CFAP47: variants seen among roughly 807,000 people sequenced by gnomAD.
CFAP47 encodes the protein cilia- and flagella-associated protein 47.
CFAP47 carries 29 observed loss-of-function variants against 148.1 expected under a neutral mutation model. The ratio of observed to expected loss-of-function variants is 0.20; its 90% CI spans 0.15 to 0.27. CFAP47 has a LOEUF of 0.27. Among genes scored for constraint, CFAP47 ranks in the 10% least tolerant of loss-of-function variants. The pLI is 1.00. For synonymous variants in CFAP47, 664 were observed against 577.3 expected, an observed-to-expected ratio of 1.15 and a Z score of -2.15; for missense variants, 1,872 against 1,697.5, an observed-to-expected ratio of 1.10 and a Z score of -1.81.
At chrX:36,342,161 G>A (rs1556015861) in intron 57 of CFAP47, among the ~76,000 whole-genome samples, 1 of 111,572 alleles carries the variant, frequency 9.0e-6, no homozygotes, top group Non-Finnish European at 1.9e-5. Flanking sequence ...ATGAAGATGT[G>A]TTTAACTACT....
chrX:36,364,244 A>G (rs782383734), intron 61 of CFAP47, among the ~76,000 whole-genome samples: 2 of 110,780 alleles, frequency 1.8e-5, no homozygotes, highest in African/African-American at 3.3e-5. Flanking sequence ...GCAACTTCTC[A>G]TTAACTCAAA....
rs141031174 is a variant in CFAP47, at chrX:35,956,330, A to G, written c.1410+134A>G. 3.2e-3 allele frequency: 1,629 copies of G among 509,751 alleles called. 8 individuals are homozygous for G. The highest frequency in any genetic ancestry group is 0.017 in the African/African-American group (728 of 41,690). 42.0% of individuals were successfully genotyped at this position (509,751 alleles called of 1,213,427 possible). A position where few individuals can be genotyped will look rare whatever the true frequency, so the allele number is the denominator to read the frequency against. ...GTTTCTCTTCTGCAGCCTAGTTATGAAGATTTTTGTATTGGTACTCATATA... is the reference window on the plus strand; with the variant it reads ...GTTTCTCTTCTGCAGCCTAGTTATGGAGATTTTTGTATTGGTACTCATATA... On this transcript the variant is annotated intron_variant, in intron 8 of 63. Transcript: ENST00000378653.
At chrX:36,074,786 G>T (rs1018359899) in intron 29 of CFAP47, among the ~76,000 whole-genome samples, 1 of 110,260 alleles carries the variant, frequency 9.1e-6, no homozygotes, top group Admixed American at 9.7e-5. Context: ...AACATCTCTC[G>T]GGTCCCTCAA....
At chrX:36,074,622 A>G in intron 29 of CFAP47, among the ~76,000 whole-genome samples, 1 of 111,761 alleles carries the variant, frequency 8.9e-6, no homozygotes, top group Non-Finnish European at 1.9e-5. Context: ...TTTTGAACAA[A>G]TTGCAATCAT....
At chrX:35,922,730 T>C (rs1462050290) in intron 1 of CFAP47, among the ~76,000 whole-genome samples, 1 of 112,652 alleles carries the variant, frequency 8.9e-6, no homozygotes, top group African/African-American at 3.2e-5. Flanking sequence ...ACTCCACTTC[T>C]CTATATCCTT....
intron 35 of CFAP47, among the ~76,000 whole-genome samples, chrX:36,142,026 A>T (rs1939150836): frequency 1.1e-5 from 1 of 93,100 alleles, no homozygotes; most frequent in Non-Finnish European, 2.0e-5. Flanking sequence ...GATTAAAAAT[A>T]AAAAAAAAGA....
chrX:36,325,832 C>G (rs781917654), intron 57 of CFAP47, among the ~76,000 whole-genome samples: 22 of 111,247 alleles, frequency 2.0e-4, no homozygotes, highest in Non-Finnish European at 4.0e-4. Flanking sequence ...AATTTAGGTA[C>G]TATATACTGG....
chrX:36,191,684 C>CTTT (rs1939866954), intron 42 of CFAP47, among the ~76,000 whole-genome samples: 5 of 111,177 alleles, frequency 4.5e-5, no homozygotes, highest in Non-Finnish European at 9.4e-5. Flanking sequence ...ACTGCTTTAC[C>CTTT]ATTAAGAACC....
chrX:36,060,004 A>C (rs1937581601), intron 26 of CFAP47, among the ~76,000 whole-genome samples: 1 of 110,812 alleles, frequency 9.0e-6, no homozygotes, highest in African/African-American at 3.3e-5. Context: ...TGATCTGTAC[A>C]CACTGGCTCT....
intron 49 of CFAP47, among the ~76,000 whole-genome samples, chrX:36,259,784 G>A (rs1940795258): frequency 9.0e-6 from 1 of 111,099 alleles, no homozygotes; most frequent in Non-Finnish European, 1.9e-5. Flanking sequence ...TGTTGCTGAG[G>A]CTTGGTGTGC....
At chrX:36,148,189 A>AG (rs1255311541) in intron 36 of CFAP47, among the ~76,000 whole-genome samples, 1 of 111,568 alleles carries the variant, frequency 9.0e-6, no homozygotes, top group East Asian at 2.8e-4. Flanking sequence ...CATATGGGTA[A>AG]GGGGGGATTC....
chrX:36,353,451 A>G, intron 59 of CFAP47, 78 bp from the exon 60 acceptor site: 1 of 911,845 alleles, frequency 1.1e-6, no homozygotes, highest in South Asian at 2.3e-5. Flanking sequence ...TTTTTATGAC[A>G]TAGTTCATTT....
chrX:36,269,875 G>A (rs1271669835), intron 49 of CFAP47, among the ~76,000 whole-genome samples: 1 of 111,432 alleles, frequency 9.0e-6, no homozygotes, highest in Non-Finnish European at 1.9e-5. Context: ...CAGTTTATAT[G>A]CATTTCAAAC....
intron 10 of CFAP47, among the ~76,000 whole-genome samples, chrX:35,968,619 G>A (rs1434290131): frequency 2.7e-5 from 3 of 111,267 alleles, no homozygotes; most frequent in African/African-American, 9.8e-5. Flanking sequence ...TAGTCATTAA[G>A]CTCACTTAAT....
At position 36,099,901 on chromosome X, in the gene CFAP47, G is replaced by A. The variant is rs759615255; in HGVS notation, c.5127+22G>A. 2.6e-5 allele frequency: 22 copies of A among 832,631 alleles called. No homozygotes were observed. The South Asian group carries it at 3.5e-4, about 13-fold the overall frequency. 68.6% of individuals were successfully genotyped at this position (832,631 alleles called of 1,213,427 possible). Reference sequence around the variant, plus strand: ...CAAGGTAACATTTCCATTATTGTTCGCTGCTTCTCTGTTGATTAATATGAA... The same window carrying A: ...CAAGGTAACATTTCCATTATTGTTCACTGCTTCTCTGTTGATTAATATGAA... On this transcript the variant is annotated intron_variant, in intron 32 of 63. Coordinates refer to ENST00000378653, the MANE Select transcript of CFAP47 (RefSeq NM_001304548.2).
chrX:36,080,159 A>G lies in CFAP47; in HGVS notation c.4692-5155A>G, dbSNP rs771928062. Among the ~76,000 whole-genome samples, 5 of 112,308 alleles carry G rather than the reference A, an allele frequency of 4.5e-5. No individual in the cohort carries two copies. In the Admixed American group the frequency reaches 4.7e-4, roughly 11 times the overall value. ...GATTTTCAAAAGAAGACATTTATGC[A>G]GCCAACAAACACATGAAAAAATGCT... On this transcript the variant is annotated intron_variant, in intron 29 of 63. Coordinates refer to ENST00000378653, the MANE Select transcript of CFAP47 (RefSeq NM_001304548.2).
chrX:36,215,960 A>T (rs782311236), intron 45 of CFAP47, among the ~76,000 whole-genome samples: 1 of 111,079 alleles, frequency 9.0e-6, no homozygotes, highest in Non-Finnish European at 1.9e-5. Flanking sequence ...TCTGAGAACT[A>T]CTCTCTTAAC....
rs12007633 is a variant in CFAP47, at chrX:36,348,007, T to G, written c.8444-122T>G. 1,602 of 337,039 alleles carry G rather than the reference T, an allele frequency of 4.8e-3. 17 individuals carry two copies. Among genetic ancestry groups the G allele is most frequent in the African/African-American group, 0.04 (1,464 of 36,516 alleles). The allele number at this position is 337,039 out of a possible 1,213,427, so 27.8% of individuals were successfully genotyped here. ...TTATAATTTTGCATAATGCGTTTTTTGTTCAGAAGCAGTTTTTAAAAATTG... is the reference window on the plus strand; with the variant it reads ...TTATAATTTTGCATAATGCGTTTTTGGTTCAGAAGCAGTTTTTAAAAATTG... On this transcript the variant is annotated intron_variant, in intron 57 of 63. Transcript: ENST00000378653.
chrX:35,954,520 G>A (rs530990359), intron 7 of CFAP47, among the ~76,000 whole-genome samples: 4 of 111,633 alleles, frequency 3.6e-5, no homozygotes, highest in African/African-American at 1.3e-4. Context: ...TACGTCTGCT[G>A]ATCCTAGACA....
Sources: gnomAD v4.1 joint callset for allele counts (sites outside exome capture counted in the v4.1 genomes callset) on GRCh38, gnomAD v4.1.1 for gene constraint, MANE v1.5 for transcripts, NCBI Gene and HGNC (gene_info 2026-07-23, HGNC 2026-07-21) for gene names.